Variants in SLC6A2 observed in about 807,000 individuals in gnomAD.
The protein encoded by SLC6A2 is solute carrier family 6 member 2, also known as sodium-dependent noradrenaline transporter.
A neutral mutation model predicts 71.7 loss-of-function variants in SLC6A2; 26 were observed. The ratio of observed to expected loss-of-function variants is 0.36; its 90% CI spans 0.27 to 0.50. The LOEUF (loss-of-function observed/expected upper bound fraction) is 0.50. Ranked by LOEUF, SLC6A2 falls within the 20% of genes least tolerant of loss-of-function variation. The pLI, the probability that SLC6A2 is intolerant of heterozygous loss-of-function variation, is 0.96. For missense variants in SLC6A2, 581 were observed against 803.9 expected, an observed-to-expected ratio of 0.72 and a Z score of 3.35; for synonymous variants, 363 against 337.9, an observed-to-expected ratio of 1.07 and a Z score of -0.82.
At chr16:55,686,796 C>T (rs1567447797) in intron 5 of SLC6A2, among the ~76,000 whole-genome samples, 1 of 152,150 alleles carries the variant, frequency 6.6e-6, no homozygotes, top group Non-Finnish European at 1.5e-5. Context: ...CAGACCAGGG[C>T]TTGGAGAAAG....
At chr16:55,680,095 T>G (rs1385908662) in intron 4 of SLC6A2, among the ~76,000 whole-genome samples, 1 of 152,118 alleles carries the variant, frequency 6.6e-6, no homozygotes. Flanking sequence ...TTGCCTCCAG[T>G]GAGAACCACT....
At chr16:55,702,233 TTC>T in intron 14 of SLC6A2, 88 bp from the exon 15 acceptor site, 1 of 1,287,328 alleles carries the variant, frequency 7.8e-7, no homozygotes, top group Non-Finnish European at 1.1e-6. Flanking sequence ...TTTTTCTGCC[TTC>T]TCTCTACCTC....
At chr16:55,693,964 G>A (rs780824912) in intron 6 of SLC6A2, 46 bp from the exon 7 acceptor site, 5 of 1,230,266 alleles carry the variant, frequency 4.1e-6, no homozygotes, top group Non-Finnish European at 6.0e-6. Flanking sequence ...AGGTGTTCCA[G>A]TGTTGTAGGA....
rs147998918 is a variant in SLC6A2, at chr16:55,695,152, G to A, written c.1023-126G>A. On this transcript the variant is annotated intron_variant, in intron 7 of 14. Transcript: ENST00000568943. ...AGGCCCTGTATCCATGTGGCAGCAGGAGCCACTGAAGGGGGGATGGCCTTT... is the reference window on the plus strand; with the variant it reads ...AGGCCCTGTATCCATGTGGCAGCAGAAGCCACTGAAGGGGGGATGGCCTTT... 49 of 1,059,770 alleles carry A rather than the reference G, an allele frequency of 4.6e-5. No individual in the cohort carries two copies. The East Asian group carries it at 7.1e-4, about 15-fold the overall frequency. The allele number at this position is 1,059,770 out of a possible 1,614,324, so 65.6% of individuals were successfully genotyped here.
In SLC6A2 at chr16:55,672,090, G is replaced by A; in HGVS notation, c.559G>A (p.Asp187Asn). The change falls in exon 4 of 15, where the codon GAC becomes AAC. Residue 187 changes from aspartate (D) to asparagine (N), a missense_variant. Asp to Asn is a conservative substitution (Grantham distance 23). Transcript: ENST00000568943. The stretch of plus-strand genomic sequence containing the variant: ...CACCTGGAACAGCCCCAACTGTACC[G>A]ACCCCAAGCTCCTCAATGGCTCCGT... ...GHTWNSPNCT[D>N]PKLLNGSVLG... 6.2e-7 allele frequency: 1 copy of A among 1,614,096 alleles called. No individual in the cohort carries two copies. The highest frequency in any genetic ancestry group is 8.5e-7 in the Non-Finnish European group (1 of 1,180,024).
rs778746397 is a variant in SLC6A2, at chr16:55,660,669, C to T, written c.274+3701C>T. Among the ~76,000 whole-genome samples, 37 of 151,134 alleles carry T rather than the reference C, an allele frequency of 2.4e-4. 1 individual carries two copies. Among genetic ancestry groups the T allele is most frequent in the Admixed American group, 6.6e-4 (10 of 15,196 alleles). ...TGATCTCGGGCATAGTACAGCCCCT[C>T]TCTGAGCCTCAAGTTCCCAGCCATA... is the stretch of plus-strand genomic sequence containing the variant. On this transcript the variant is annotated intron_variant, in intron 2 of 14. Coordinates refer to ENST00000568943, the MANE Select transcript of SLC6A2 (RefSeq NM_001172501.3).
intron 5 of SLC6A2, 82 bp downstream of exon 5, chr16:55,685,363 C>A: frequency 6.9e-7 from 1 of 1,439,194 alleles, no homozygotes; most frequent in Non-Finnish European, 9.8e-7. Flanking sequence ...AATTATGTAG[C>A]TGGTGGACAA....
At chr16:55,678,754 G>A (rs1965175421) in intron 4 of SLC6A2, among the ~76,000 whole-genome samples, 1 of 152,186 alleles carries the variant, frequency 6.6e-6, no homozygotes, top group African/African-American at 2.4e-5. Flanking sequence ...CTTTTTTAGT[G>A]TGTAGACTTC....
chr16:55,702,354 T>G lies in SLC6A2; in HGVS notation c.*8T>G. 6.2e-7 allele frequency: 1 copy of G among 1,614,214 alleles called. No individual in the cohort carries two copies. Among genetic ancestry groups the G allele is most frequent in the Non-Finnish European group, 8.5e-7 (1 of 1,180,034 alleles). On this transcript the variant is annotated 3_prime_UTR_variant, in exon 15 of 15. Transcript: ENST00000568943. Reference sequence around the variant, plus strand: ...CACTGGCTGGCCATCTGAGCCTGCCTGGAGGAGAAGGAGGAACCCCCATGC... The same window carrying G: ...CACTGGCTGGCCATCTGAGCCTGCCGGGAGGAGAAGGAGGAACCCCCATGC...
chr16:55,676,556 C>T (rs1329581409), intron 4 of SLC6A2, among the ~76,000 whole-genome samples: 2 of 152,234 alleles, frequency 1.3e-5, no homozygotes, highest in Admixed American at 6.5e-5. Context: ...TCTCCTCACT[C>T]TAACCCCAGC....
chr16:55,697,873 C>T, intron 9 of SLC6A2, 24 bp from the exon 10 acceptor site: 2 of 1,613,452 alleles, frequency 1.2e-6, no homozygotes, highest in Non-Finnish European at 1.7e-6. Context: ...ATTCCTGCAC[C>T]CCACCCCTCC....
At chr16:55,699,338 G>A (rs1441627775) in intron 11 of SLC6A2, among the ~76,000 whole-genome samples, 1 of 152,196 alleles carries the variant, frequency 6.6e-6, no homozygotes, top group Non-Finnish European at 1.5e-5. Context: ...TCTGACAGGT[G>A]AATTGGGGTG....
rs563223855 is a variant in SLC6A2 at position 55,656,266 on chromosome 16, C to T, written c.-52+97C>T. The T allele has an allele frequency of 1.7e-4, 52 of 305,830 alleles. No homozygotes were observed. Among genetic ancestry groups the T allele is most frequent in the African/African-American group, 1.1e-3 (51 of 45,836 alleles). The allele number at this position is 305,830 out of a possible 1,614,324, so 18.9% of individuals were successfully genotyped here. On this transcript the variant is annotated intron_variant, in intron 1 of 14. Transcript: ENST00000568943. The surrounding 1 kb of genome is among the most constrained non-coding windows in gnomAD (Gnocchi z 4.5). ...GGCTAGCGAGTTTGTAGTGCAGTGA[C>T]GTTAAGTGTCCGAGAAGGCTCCTGT...
chr16:55,693,389 G>A (rs1053230764), intron 6 of SLC6A2, among the ~76,000 whole-genome samples: 5 of 151,654 alleles, frequency 3.3e-5, no homozygotes, highest in African/African-American at 9.7e-5. Flanking sequence ...AATCTGAATT[G>A]CAGCTTAGTC....
chr16:55,673,681 C>T (rs1391607922), intron 4 of SLC6A2, among the ~76,000 whole-genome samples: 8 of 152,192 alleles, frequency 5.3e-5, no homozygotes, highest in Non-Finnish European at 1.2e-4. Context: ...CCTGCCTCAG[C>T]CTCCTGAGTA....
In SLC6A2 at chr16:55,705,707, A is replaced by G. The variant is rs1190081616; in HGVS notation, c.*3361A>G. 1 of 154,726 alleles carries G rather than the reference A, an allele frequency of 6.5e-6. No homozygotes were observed. Among genetic ancestry groups the G allele is most frequent in the Non-Finnish European group, 1.4e-5 (1 of 69,818 alleles). 9.6% of individuals were successfully genotyped at this position (154,726 alleles called of 1,614,324 possible). A position where few individuals can be genotyped will look rare whatever the true frequency, so the allele number is the denominator to read the frequency against. On this transcript the variant is annotated 3_prime_UTR_variant, in exon 15 of 15. Transcript: ENST00000568943. ...CTGTTAAATTTACAATGAAGGAAACACATCACTTAACTGTAAGAATTTCCC... is the reference window on the plus strand; with the variant it reads ...CTGTTAAATTTACAATGAAGGAAACGCATCACTTAACTGTAAGAATTTCCC...
At position 55,703,679 on chromosome 16, in the gene SLC6A2, A is replaced by C; in HGVS notation, c.*1333A>C. The C allele has an allele frequency of 1.0e-6, 1 of 985,350 alleles. No homozygotes were observed. The highest frequency in any genetic ancestry group is 1.2e-6 in the Non-Finnish European group (1 of 829,916). 61.0% of individuals were successfully genotyped at this position (985,350 alleles called of 1,614,324 possible). Reference sequence around the variant, plus strand: ...GCATCTTTGGGAGGGGTTTCTGTTTATGGTTAGAGTCTCTTACACCCTTGT... The same window carrying C: ...GCATCTTTGGGAGGGGTTTCTGTTTCTGGTTAGAGTCTCTTACACCCTTGT... On this transcript the variant is annotated 3_prime_UTR_variant, in exon 15 of 15. Transcript: ENST00000568943.
intron 4 of SLC6A2, among the ~76,000 whole-genome samples, chr16:55,672,722 C>G (rs1010800491): frequency 2.6e-5 from 4 of 152,184 alleles, no homozygotes; most frequent in African/African-American, 7.2e-5. Flanking sequence ...CTGGAGTTCC[C>G]ATGGGGGAAC....
Position 55,703,758 on chromosome 16 carries a change from AAAT to A in SLC6A2, c.*1415_*1417del. The A allele has an allele frequency of 1.0e-6, 1 of 985,344 alleles. No homozygotes were observed. The highest frequency in any genetic ancestry group is 1.2e-6 in the Non-Finnish European group (1 of 829,942). The allele number at this position is 985,344 out of a possible 1,614,324, so 61.0% of individuals were successfully genotyped here. A position where few individuals can be genotyped will look rare whatever the true frequency, so the allele number is the denominator to read the frequency against. ...GCTCCTGTTGCGGGATCTTGGGAAAAAATAAAGAAGCCGCTGCATTCGCACGTC... is the reference window on the plus strand; with the variant it reads ...GCTCCTGTTGCGGGATCTTGGGAAAAAAAGAAGCCGCTGCATTCGCACGTC... On this transcript the variant is annotated 3_prime_UTR_variant, in exon 15 of 15. Coordinates refer to ENST00000568943, the MANE Select transcript of SLC6A2 (RefSeq NM_001172501.3).
Sources: allele counts gnomAD v4.1 joint callset (sites outside exome capture counted in the v4.1 genomes callset), GRCh38; gene constraint gnomAD v4.1.1; non-coding constraint Gnocchi (gnomAD v3.1); transcripts MANE v1.5; gene names NCBI Gene and HGNC (gene_info 2026-07-23, HGNC 2026-07-21).